TMEM120B: variants seen among roughly 807,000 people sequenced by gnomAD.
TMEM120B encodes the protein transmembrane protein 120B.
A neutral mutation model predicts 55.5 loss-of-function variants in TMEM120B; 31 were observed. The observed-to-expected ratio is 0.56, with a 90% CI of 0.42 to 0.75. The LOEUF is 0.75. Among genes scored for constraint, TMEM120B ranks in the 30% least tolerant of loss-of-function variants. The pLI is 0.00. For synonymous variants in TMEM120B, 203 were observed against 176.3 expected (o/e 1.15, Z -1.20); for missense variants, 399 against 425.5 (o/e 0.94, Z 0.55).
Position 121,713,152 on chromosome 12 carries a change from G to T in TMEM120B, c.69+188G>T, listed in dbSNP as rs534669992. Among the ~76,000 whole-genome samples, 396 of 151,988 alleles carry T rather than the reference G, an allele frequency of 2.6e-3. 1 individual carries two copies. Among genetic ancestry groups the T allele is most frequent in the African/African-American group, 8.3e-3 (345 of 41,462 alleles). On this transcript the variant is annotated intron_variant, in intron 1 of 11. Coordinates refer to ENST00000449592, the MANE Select transcript of TMEM120B (RefSeq NM_001080825.2). Reference sequence around the variant, plus strand: ...CCCGGCGCTTCAGCTCTTCGTCCACGTGGGGCGCCGGGTCGCAGCCCCCTC... The same window carrying T: ...CCCGGCGCTTCAGCTCTTCGTCCACTTGGGGCGCCGGGTCGCAGCCCCCTC...
chr12:121,722,067 C>T (rs1436871977), intron 1 of TMEM120B, among the ~76,000 whole-genome samples: 1 of 148,196 alleles, frequency 6.7e-6, no homozygotes, highest in Non-Finnish European at 1.5e-5. Flanking sequence ...TCTCAAAGTG[C>T]TGGGATTATA....
chr12:121,752,817 A>G (rs559258041), intron 5 of TMEM120B, among the ~76,000 whole-genome samples: 5 of 152,112 alleles, frequency 3.3e-5, no homozygotes, highest in African/African-American at 1.2e-4. Context: ...AGAGAAATGA[A>G]AAGTTGGGCG....
chr12:121,774,545 A>G (rs1566527609), intron 9 of TMEM120B, 113 bp from the exon 10 acceptor site: 19 of 1,003,974 alleles, frequency 1.9e-5, no homozygotes, highest in Non-Finnish European at 2.9e-5. Flanking sequence ...CGCATGTGTG[A>G]CTGTCCCTGG....
At chr12:121,717,170 G>A (rs570448305) in intron 1 of TMEM120B, among the ~76,000 whole-genome samples, 9 of 152,122 alleles carry the variant, frequency 5.9e-5, no homozygotes, top group Admixed American at 3.9e-4. Flanking sequence ...TGGCGTGACC[G>A]CAGAAGGTCA....
intron 9 of TMEM120B, among the ~76,000 whole-genome samples, chr12:121,773,902 A>C (rs55695154): frequency 0.2 from 29,540 of 149,814 alleles, 4,421 homozygotes; most frequent in African/African-American, 0.41. Context: ...GTGAGGAGAC[A>C]CCTCATTGAG....
chr12:121,715,681 C>G (rs1894687305), intron 1 of TMEM120B, among the ~76,000 whole-genome samples: 1 of 152,050 alleles, frequency 6.6e-6, no homozygotes, highest in African/African-American at 2.4e-5. Context: ...CCTGCTGGGT[C>G]AGGGGCCAGT....
chr12:121,750,809 CA>C (rs1873267714), intron 4 of TMEM120B, among the ~76,000 whole-genome samples: 1 of 134,840 alleles, frequency 7.4e-6, no homozygotes, highest in African/African-American at 2.8e-5. Context: ...ACACCCCATA[CA>C]CAACACCCCA....
At chr12:121,725,818 C>T (rs747236736) in intron 1 of TMEM120B, among the ~76,000 whole-genome samples, 2 of 151,804 alleles carry the variant, frequency 1.3e-5, no homozygotes, top group Non-Finnish European at 2.9e-5. Flanking sequence ...GGGCAGATCA[C>T]CTGAGGTCAG....
chr12:121,756,057 C>A (rs1873467492), intron 5 of TMEM120B, among the ~76,000 whole-genome samples: 1 of 152,168 alleles, frequency 6.6e-6, no homozygotes, highest in Non-Finnish European at 1.5e-5. Context: ...GAGCGATCAT[C>A]TATGCAAAAT....
chr12:121,737,338 C>T (rs1872778095), intron 1 of TMEM120B, among the ~76,000 whole-genome samples: 1 of 152,076 alleles, frequency 6.6e-6, no homozygotes, highest in Non-Finnish European at 1.5e-5. Flanking sequence ...AACCCTGTTT[C>T]TACTAAAAAT....
At chr12:121,713,861 G>T (rs1894646085) in intron 1 of TMEM120B, among the ~76,000 whole-genome samples, 1 of 152,084 alleles carries the variant, frequency 6.6e-6, no homozygotes, top group African/African-American at 2.4e-5. Flanking sequence ...TTTTTCGGGG[G>T]GTTGGCTTTG....
chr12:121,744,263 G>A (rs1338961229), intron 2 of TMEM120B, among the ~76,000 whole-genome samples: 1 of 152,152 alleles, frequency 6.6e-6, no homozygotes, highest in African/African-American at 2.4e-5. Context: ...GACATTCTGG[G>A]TTCAGTCCTC....
rs1358428087 is a variant in TMEM120B, at chr12:121,726,592, A to T, written c.69+13628A>T. ...AGACTCTGTCTCAAAAAAAAAAATA[A>T]AATAAAATAATAATAATAATGCTTC... On this transcript the variant is annotated intron_variant, in intron 1 of 11. Coordinates refer to ENST00000449592, the MANE Select transcript of TMEM120B (RefSeq NM_001080825.2). Among the ~76,000 whole-genome samples the T allele has an allele frequency of 1.3e-3, 186 of 148,128 alleles. 1 individual carries two copies. Among genetic ancestry groups the T allele is most frequent in the African/African-American group, 4.5e-3 (180 of 40,170 alleles).
At chr12:121,769,554 T>A (rs1873961261) in intron 6 of TMEM120B, among the ~76,000 whole-genome samples, 1 of 151,266 alleles carries the variant, frequency 6.6e-6, no homozygotes, top group African/African-American at 2.4e-5. Flanking sequence ...AAAAAAAAAA[T>A]TTAGCTGGGC....
intron 5 of TMEM120B, among the ~76,000 whole-genome samples, chr12:121,757,522 T>TA (rs201014049): frequency 0.017 from 2,106 of 122,180 alleles, 51 homozygotes; most frequent in East Asian, 0.071. Context: ...TTATTATTAT[T>TA]TATTTTTTTT....
intron 1 of TMEM120B, among the ~76,000 whole-genome samples, chr12:121,737,522 A>C (rs914192654): frequency 1.3e-5 from 2 of 151,554 alleles, no homozygotes; most frequent in Non-Finnish European, 2.9e-5. Flanking sequence ...AAAAAGTCAC[A>C]GTTGGGAAGC....
At chr12:121,720,215 C>T (rs1894769204) in intron 1 of TMEM120B, among the ~76,000 whole-genome samples, 1 of 152,146 alleles carries the variant, frequency 6.6e-6, no homozygotes, top group Non-Finnish European at 1.5e-5. Flanking sequence ...AAATGCGTGC[C>T]TCCCACGCAC....
chr12:121,731,336 C>G (rs986130058), intron 1 of TMEM120B, among the ~76,000 whole-genome samples: 11 of 152,166 alleles, frequency 7.2e-5, no homozygotes, highest in African/African-American at 2.7e-4. Flanking sequence ...ACTGCAACGT[C>G]TGCCTCCCCA....
intron 6 of TMEM120B, among the ~76,000 whole-genome samples, chr12:121,762,518 C>T (rs1200466474): frequency 6.6e-6 from 1 of 152,170 alleles, no homozygotes; most frequent in East Asian, 1.9e-4. Flanking sequence ...ATGTACCTAT[C>T]CCTGAACCAG....
Sources: gnomAD v4.1 joint callset for allele counts (sites outside exome capture counted in the v4.1 genomes callset) on GRCh38, gnomAD v4.1.1 for gene constraint, MANE v1.5 for transcripts, NCBI Gene and HGNC (gene_info 2026-07-23, HGNC 2026-07-21) for gene names.